Variants in OR10H5 observed in about 807,000 individuals in gnomAD.
OR10H5 encodes the protein olfactory receptor 10H5.
In OR10H5, 7 loss-of-function variants were observed where a neutral mutation model predicts 12.2. That is an observed-to-expected ratio of 0.57 (90% CI 0.33 to 1.07). The LOEUF is 1.07. Ranked by LOEUF, OR10H5 falls within the 50% of genes least tolerant of loss-of-function variation. OR10H5 has a pLI of 0.04. For synonymous variants in OR10H5, 159 were observed against 175.1 expected, an observed-to-expected ratio of 0.91 and a Z score of 0.73; for missense variants, 346 against 411.6, an observed-to-expected ratio of 0.84 and a Z score of 1.38.
chr19:15,794,370 G>A lies in OR10H5; in HGVS notation c.322G>A (p.Gly108Ser), dbSNP rs145263598. 3.0e-4 allele frequency: 490 copies of A among 1,614,110 alleles called. No homozygotes were observed. In the African/African-American group the frequency reaches 5.7e-3, roughly 19 times the overall value. Residue 108 changes from glycine (G) to serine (S), a missense_variant, in exon 2 of 2, where the codon GGC becomes AGC. Coordinates refer to ENST00000642092, the MANE Select transcript of OR10H5 (RefSeq NM_001004466.2). ...TCAGATGTTCTTCTCCTTCAGCTTC[G>A]GCTTCACCCACTCCTTCCTGCTCAC... ...ASQMFFSFSF[G>S]FTHSFLLTVM...
At chr19:15,789,676 C>T (rs2088800093) in intron 1 of OR10H5, among the ~76,000 whole-genome samples, 1 of 152,122 alleles carries the variant, frequency 6.6e-6, no homozygotes, top group Admixed American at 6.5e-5. Flanking sequence ...TGGAGAGCCC[C>T]CTTGGAGATT....
chr19:15,794,197 G>A lies in OR10H5; in HGVS notation c.149G>A (p.Trp50Ter), dbSNP rs762352089. ...LGNLLIMATV[W>*]SERSLHMPMY... ...AACCTGCTCATCATGGCCACTGTCTGGAGCGAGCGCAGCCTCCACATGCCC... is the reference window on the plus strand; with the variant it reads ...AACCTGCTCATCATGGCCACTGTCTAGAGCGAGCGCAGCCTCCACATGCCC... The change falls in exon 2 of 2, where the codon TGG (tryptophan) becomes TAG (stop). Residue 50 changes from tryptophan to a stop codon, truncating the protein, a stop_gained. Coordinates refer to ENST00000642092, the MANE Select transcript of OR10H5 (RefSeq NM_001004466.2). LOFTEE classifies it high-confidence loss of function. 3 of 1,614,004 alleles carry A rather than the reference G, an allele frequency of 1.9e-6. No individual in the cohort carries two copies. The highest frequency in any genetic ancestry group is 1.7e-6 in the Non-Finnish European group (2 of 1,180,016).
At chr19:15,792,445 G>A (rs975474866) in intron 1 of OR10H5, among the ~76,000 whole-genome samples, 3 of 151,930 alleles carry the variant, frequency 2.0e-5, no homozygotes, top group African/African-American at 7.3e-5. Flanking sequence ...ATCCATGCCG[G>A]CCCTCAATCT....
At chr19:15,792,857 A>G (rs1224220215) in intron 1 of OR10H5, among the ~76,000 whole-genome samples, 8 of 152,084 alleles carry the variant, frequency 5.3e-5, no homozygotes, top group Admixed American at 1.3e-4. Flanking sequence ...AACCCTGTCA[A>G]TTTGGGATTA....
At chr19:15,790,038 C>T (rs1387746316) in intron 1 of OR10H5, among the ~76,000 whole-genome samples, 1 of 152,168 alleles carries the variant, frequency 6.6e-6, no homozygotes, top group Non-Finnish European at 1.5e-5. Context: ...CCTCCTGCCT[C>T]AGCCTCCAAA....
In OR10H5 at chr19:15,791,268, C is replaced by T. The variant is rs959410066; in HGVS notation, c.-11-2770C>T. Among the ~76,000 whole-genome samples the T allele has an allele frequency of 3.3e-5, 5 of 152,222 alleles. No individual in the cohort carries two copies. In the East Asian group the frequency reaches 5.8e-4, roughly 18 times the overall value. ...GGCTGAGGCAGGAGAATCACTTGAA[C>T]CCGGGAGGCAGAGGTTGCAGTGAGC... is the stretch of plus-strand genomic sequence containing the variant. On this transcript the variant is annotated intron_variant, in intron 1 of 1. Coordinates refer to ENST00000642092, the MANE Select transcript of OR10H5 (RefSeq NM_001004466.2).
intron 1 of OR10H5, among the ~76,000 whole-genome samples, chr19:15,787,939 C>T (rs913455935): frequency 1.3e-5 from 2 of 152,184 alleles, no homozygotes; most frequent in African/African-American, 4.8e-5. Context: ...CTCCAAGTCC[C>T]CCATAGAGTC....
At position 15,799,606 on chromosome 19, in the gene OR10H5, A is replaced by T. The variant is rs1313387473; in HGVS notation, c.*4610A>T. ...CACTCCAAATACATCCCTGATGCTG[A>T]TGAAACGTTATGTATATAATTGTAT... On this transcript the variant is annotated 3_prime_UTR_variant, in exon 2 of 2. Coordinates refer to ENST00000642092, the MANE Select transcript of OR10H5 (RefSeq NM_001004466.2). The T allele has an allele frequency of 2.0e-5, 3 of 152,144 alleles. No individual in the cohort carries two copies. The East Asian group carries it at 5.8e-4, about 29-fold the overall frequency. 9.4% of individuals were successfully genotyped at this position (152,144 alleles called of 1,614,324 possible). A position where few individuals can be genotyped will look rare whatever the true frequency, so the allele number is the denominator to read the frequency against.
rs776842919 is a variant in OR10H5 at position 15,794,011 on chromosome 19, G to T, written c.-11-27G>T. 6 of 1,576,710 alleles carry T rather than the reference G, an allele frequency of 3.8e-6. No homozygotes were observed. The East Asian group carries it at 1.1e-4, about 29-fold the overall frequency. On this transcript the variant is annotated intron_variant, in intron 1 of 1. Transcript: ENST00000642092. ...ACACCCCTGTGCTCCTAACCACTGG[G>T]TCTTCTTTCCTCTCTCCACCAACTA...
Position 15,794,408 on chromosome 19 carries a change from C to G in OR10H5, c.360C>G (p.Tyr120Ter). Reference protein sequence around the residue: ...THSFLLTVMGYDRYVAICHPL... With the variant: ...THSFLLTVMG ...CCTTCCTGCTCACTGTCATGGGCTA[C>G]GACCGCTACGTGGCCATCTGCCACC... Residue 120 changes from tyrosine to a stop codon, truncating the protein, a stop_gained, in exon 2 of 2, where the codon TAC (tyrosine) becomes TAG (stop). Transcript: ENST00000642092. LOFTEE classifies it high-confidence loss of function. The G allele has an allele frequency of 1.9e-6, 3 of 1,614,216 alleles. No homozygotes were observed. The highest frequency in any genetic ancestry group is 2.5e-6 in the Non-Finnish European group (3 of 1,180,030).
Position 15,789,754 on chromosome 19 carries a change from G to A in OR10H5, c.-12+2038G>A, listed in dbSNP as rs897818354. On this transcript the variant is annotated intron_variant, in intron 1 of 1. Coordinates refer to ENST00000642092, the MANE Select transcript of OR10H5 (RefSeq NM_001004466.2). ...CCAGAGAGCTGAGAGAGCCCTTTCT[G>A]TATTTCTCTTTTCTTTTTTTTCTTT... Among the ~76,000 whole-genome samples the A allele has an allele frequency of 2.0e-5, 3 of 150,106 alleles. No individual in the cohort carries two copies. The Admixed American group carries it at 2.0e-4, about 10-fold the overall frequency.
Position 15,795,157 on chromosome 19 carries a change from G to A in OR10H5, c.*161G>A, listed in dbSNP as rs1281645516. ...TTCCTCCCTCCTTCTCTGACCTACA[G>A]TCCACCCTCCCTCCCCCCTCCTCCT... On this transcript the variant is annotated 3_prime_UTR_variant, in exon 2 of 2. Coordinates refer to ENST00000642092, the MANE Select transcript of OR10H5 (RefSeq NM_001004466.2). The A allele has an allele frequency of 7.3e-6, 4 of 545,570 alleles. No individual in the cohort carries two copies. The highest frequency in any genetic ancestry group is 8.8e-6 in the Non-Finnish European group (3 of 340,780). The allele number at this position is 545,570 out of a possible 1,614,324, so 33.8% of individuals were successfully genotyped here. A position where few individuals can be genotyped will look rare whatever the true frequency, so the allele number is the denominator to read the frequency against.
In OR10H5 at chr19:15,795,115, CTTCCTCCCTCCCTCCT is replaced by C. The variant is rs1266514165; in HGVS notation, c.*131_*146del. The C allele has an allele frequency of 1.4e-4, 118 of 861,760 alleles. No homozygotes were observed. Among genetic ancestry groups the C allele is most frequent in the Non-Finnish European group, 1.9e-4 (108 of 577,690 alleles). 53.4% of individuals were successfully genotyped at this position (861,760 alleles called of 1,614,324 possible). A position where few individuals can be genotyped will look rare whatever the true frequency, so the allele number is the denominator to read the frequency against. The stretch of plus-strand genomic sequence containing the variant: ...CCTCCCTCCCTTCCTTCCTTCTTTC[CTTCCTCCCTCCCTCCT>C]TTCCTCCCTCCTTCTCTGACCTACA... On this transcript the variant is annotated 3_prime_UTR_variant, in exon 2 of 2. Coordinates refer to ENST00000642092, the MANE Select transcript of OR10H5 (RefSeq NM_001004466.2).
chr19:15,797,883 A>G lies in OR10H5; in HGVS notation c.*2887A>G, dbSNP rs1487571169. ...GCCAACATGGTGAAACCCTGTGTCT[A>G]CTAAAAATACAAAAATTAGCTGGGT... On this transcript the variant is annotated 3_prime_UTR_variant, in exon 2 of 2. Coordinates refer to ENST00000642092, the MANE Select transcript of OR10H5 (RefSeq NM_001004466.2). 1.3e-5 allele frequency: 2 copies of G among 151,838 alleles called. No individual in the cohort carries two copies. Among genetic ancestry groups the G allele is most frequent in the Non-Finnish European group, 2.9e-5 (2 of 67,974 alleles). 9.4% of individuals were successfully genotyped at this position (151,838 alleles called of 1,614,324 possible). A position where few individuals can be genotyped will look rare whatever the true frequency, so the allele number is the denominator to read the frequency against.
At position 15,787,666 on chromosome 19, in the gene OR10H5, A is replaced by G. The variant is rs1395448652; in HGVS notation, c.-62A>G. The G allele has an allele frequency of 6.6e-6, 1 of 152,336 alleles. No homozygotes were observed. Among genetic ancestry groups the G allele is most frequent in the Admixed American group, 6.5e-5 (1 of 15,284 alleles). 9.4% of individuals were successfully genotyped at this position (152,336 alleles called of 1,614,324 possible). ...CTCTCACCCTGGGTGCACTGTGCCC[A>G]GGGCCATTACAGGCCTGGCTGCAAG... On this transcript the variant is annotated 5_prime_UTR_variant, in exon 1 of 2. Coordinates refer to ENST00000642092, the MANE Select transcript of OR10H5 (RefSeq NM_001004466.2).
chr19:15,791,917 T>C (rs1222634978), intron 1 of OR10H5, among the ~76,000 whole-genome samples: 1 of 151,928 alleles, frequency 6.6e-6, no homozygotes, highest in African/African-American at 2.4e-5. Context: ...ATGGTCTTGA[T>C]CTCCTAACTT....
intron 1 of OR10H5, among the ~76,000 whole-genome samples, chr19:15,792,039 A>G (rs1010836294): frequency 7.0e-6 from 1 of 143,770 alleles, no homozygotes; most frequent in East Asian, 2.1e-4. Flanking sequence ...AAAAAAAAAA[A>G]TCCTCTCTTT....
Position 15,798,493 on chromosome 19 carries a change from G to C in OR10H5, c.*3497G>C, listed in dbSNP as rs1016997043. Reference sequence around the variant, plus strand: ...GACCAGAGCCCAGAGAGGTGATTAAGGGGCAGGAGATCCCAGGCTTCAGGG... The same window carrying C: ...GACCAGAGCCCAGAGAGGTGATTAACGGGCAGGAGATCCCAGGCTTCAGGG... On this transcript the variant is annotated 3_prime_UTR_variant, in exon 2 of 2. Transcript: ENST00000642092. 6.6e-6 allele frequency: 1 copy of C among 152,170 alleles called. No homozygotes were observed. The highest frequency in any genetic ancestry group is 2.4e-5 in the African/African-American group (1 of 41,434). 9.4% of individuals were successfully genotyped at this position (152,170 alleles called of 1,614,324 possible).
intron 1 of OR10H5, among the ~76,000 whole-genome samples, chr19:15,787,941 C>A (rs1415415609): frequency 1.3e-5 from 2 of 152,194 alleles, no homozygotes; most frequent in Admixed American, 6.5e-5. Context: ...CCAAGTCCCC[C>A]ATAGAGTCCA....
Sources: allele counts gnomAD v4.1 joint callset (sites outside exome capture counted in the v4.1 genomes callset), GRCh38; gene constraint gnomAD v4.1.1; transcripts MANE v1.5; gene names NCBI Gene and HGNC (gene_info 2026-07-23, HGNC 2026-07-21).